Variants in ZNF423 observed in about 807,000 individuals in gnomAD.
The protein encoded by ZNF423 is Ebf-associated zinc finger protein.
In ZNF423, 12 loss-of-function variants were observed where a neutral mutation model predicts 95.8. The ratio of observed to expected loss-of-function variants is 0.13; its 90% CI spans 0.08 to 0.20. The LOEUF is 0.20. ZNF423 is among the 10% of genes least tolerant of loss of function. The pLI is 1.00. For synonymous variants in ZNF423, 749 were observed against 711.9 expected, an observed-to-expected ratio of 1.05 and a Z score of -0.83; for missense variants, 1,316 against 1,737.1, an observed-to-expected ratio of 0.76 and a Z score of 4.31.
At chr16:49,593,798 C>T (rs1971094314) in intron 5 of ZNF423, among the ~76,000 whole-genome samples, 1 of 152,112 alleles carries the variant, frequency 6.6e-6, no homozygotes, top group Admixed American at 6.5e-5. Context: ...GTGAGTAAAG[C>T]TTATTTAGGA....
intron 5 of ZNF423, among the ~76,000 whole-genome samples, chr16:49,540,931 G>A (rs1969224899): frequency 6.6e-6 from 1 of 152,112 alleles, no homozygotes; most frequent in Non-Finnish European, 1.5e-5. Flanking sequence ...ATGAAAATGG[G>A]GGTCCCAGTG....
intron 4 of ZNF423, among the ~76,000 whole-genome samples, chr16:49,631,426 G>A (rs1287259445): frequency 6.9e-6 from 1 of 145,182 alleles, no homozygotes; most frequent in Non-Finnish European, 1.5e-5. Flanking sequence ...CAACCCCCCT[G>A]GAGACCCCCT....
At chr16:49,697,590 G>A (rs1021786446) in intron 3 of ZNF423, among the ~76,000 whole-genome samples, 5 of 152,034 alleles carry the variant, frequency 3.3e-5, no homozygotes, top group Non-Finnish European at 5.9e-5. Context: ...AAGACTCTAG[G>A]GAAATTTTTT....
At chr16:49,807,324 G>A (rs1185138529) in intron 1 of ZNF423, among the ~76,000 whole-genome samples, 16 of 151,894 alleles carry the variant, frequency 1.1e-4, no homozygotes, top group African/African-American at 3.1e-4. Context: ...CTAGCTACTC[G>A]GGAGGCTGAG....
At chr16:49,717,292 A>T (rs2032736387) in intron 3 of ZNF423, among the ~76,000 whole-genome samples, 1 of 151,298 alleles carries the variant, frequency 6.6e-6, no homozygotes, top group Non-Finnish European at 1.5e-5. Context: ...CCATACCTTC[A>T]CCATCATAGG....
intron 1 of ZNF423, among the ~76,000 whole-genome samples, chr16:49,842,324 A>G (rs1184838348): frequency 1.5e-3 from 91 of 61,634 alleles, no homozygotes; most frequent in Non-Finnish European, 1.9e-3. Context: ...AAGGGAAGGG[A>G]AGGGAAGGGA....
At chr16:49,549,836 A>G (rs1969573238) in intron 5 of ZNF423, among the ~76,000 whole-genome samples, 1 of 152,136 alleles carries the variant, frequency 6.6e-6, no homozygotes, top group African/African-American at 2.4e-5. Context: ...GAATGTTTAT[A>G]TAAGCTACTC....
intron 5 of ZNF423, among the ~76,000 whole-genome samples, chr16:49,595,150 G>A (rs1363237963): frequency 6.6e-6 from 1 of 152,178 alleles, no homozygotes; most frequent in East Asian, 1.9e-4. Flanking sequence ...GGGGGTGGGG[G>A]GGTCTCTCTT....
At chr16:49,797,543 ATG>A (rs1354687147) in intron 1 of ZNF423, among the ~76,000 whole-genome samples, 3 of 152,194 alleles carry the variant, frequency 2.0e-5, no homozygotes, top group Non-Finnish European at 2.9e-5. Flanking sequence ...TCAGGTGGCG[ATG>A]TGTTCAGGCA....
At chr16:49,751,459 G>T (rs1043894576) in intron 2 of ZNF423, among the ~76,000 whole-genome samples, 4 of 152,126 alleles carry the variant, frequency 2.6e-5, no homozygotes, top group Admixed American at 1.3e-4. Flanking sequence ...CTCCCACCTT[G>T]TAATCCTAGC....
chr16:49,842,314 A>AAGGGAAGGCGAGGGGAGGCG (rs2035194589), intron 1 of ZNF423, among the ~76,000 whole-genome samples: 1 of 19,088 alleles, frequency 5.2e-5, no homozygotes, highest in Admixed American at 7.7e-4. Flanking sequence ...GAGGCGAGGG[A>AAGGGAAGGCGAGGGGAGGCG]AGGGAAGGGA....
chr16:49,655,927 C>T (rs140962306), intron 3 of ZNF423, among the ~76,000 whole-genome samples: 93 of 152,276 alleles, frequency 6.1e-4, no homozygotes, highest in Middle Eastern at 3.4e-3. Flanking sequence ...AGTGGGTGCA[C>T]GAGGTAACTC....
chr16:49,748,313 T>C (rs1327661247), intron 2 of ZNF423, among the ~76,000 whole-genome samples: 1 of 152,222 alleles, frequency 6.6e-6, no homozygotes, highest in Admixed American at 6.5e-5. Flanking sequence ...AAGTTAGTCA[T>C]TTTTCAGTAA....
intron 5 of ZNF423, among the ~76,000 whole-genome samples, chr16:49,598,046 A>G (rs970711113): frequency 1.3e-5 from 2 of 152,162 alleles, no homozygotes. Flanking sequence ...ACAGGTCCTC[A>G]TGGGGAGAGC....
At chr16:49,628,295 C>T (rs1405319869) in intron 4 of ZNF423, among the ~76,000 whole-genome samples, 1 of 151,614 alleles carries the variant, frequency 6.6e-6, no homozygotes, top group East Asian at 1.9e-4. Context: ...TACACACACA[C>T]ATACCCATCT....
chr16:49,644,658 C>A (rs868867891), intron 3 of ZNF423, among the ~76,000 whole-genome samples: 59 of 39,576 alleles, frequency 1.5e-3, no homozygotes, highest in African/African-American at 5.1e-3. Context: ...AACTCTGACT[C>A]AAAAAAAAAA....
At chr16:49,674,245 AC>A (rs2030944608) in intron 3 of ZNF423, among the ~76,000 whole-genome samples, 1 of 152,192 alleles carries the variant, frequency 6.6e-6, no homozygotes, top group Admixed American at 6.5e-5. Flanking sequence ...TGAAACGCAA[AC>A]AAAATTTTGC....
At chr16:49,743,208 A>G (rs1434815602) in intron 2 of ZNF423, among the ~76,000 whole-genome samples, 1 of 152,034 alleles carries the variant, frequency 6.6e-6, no homozygotes, top group Admixed American at 6.5e-5. Context: ...TCAAAATAGA[A>G]AGTGTGTAAA....
At chr16:49,731,368 A>G in intron 2 of ZNF423, 1 of 985,440 alleles carries the variant, frequency 1.0e-6, no homozygotes, top group Non-Finnish European at 1.2e-6. Flanking sequence ...CTTGCAATTT[A>G]GAGCTGGGAG....
Sources: allele counts gnomAD v4.1 joint callset (sites outside exome capture counted in the v4.1 genomes callset), GRCh38; gene constraint gnomAD v4.1.1; transcripts MANE v1.5; gene names NCBI Gene and HGNC (gene_info 2026-07-23, HGNC 2026-07-21).